OSBPL9: variants seen among roughly 807,000 people sequenced by gnomAD.
OSBPL9 encodes the protein oxysterol-binding protein-related protein 9.
In OSBPL9, 40 loss-of-function variants were observed where a neutral mutation model predicts 106.6. The ratio of observed to expected loss-of-function variants is 0.38; its 90% CI spans 0.29 to 0.49. OSBPL9 has a LOEUF of 0.49. Among genes scored for constraint, OSBPL9 ranks in the 20% least tolerant of loss-of-function variants. The pLI is 0.97. For missense variants in OSBPL9, 609 were observed against 887.2 expected, an observed-to-expected ratio of 0.69 and a Z score of 3.98; for synonymous variants, 269 against 295.4, an observed-to-expected ratio of 0.91 and a Z score of 0.92.
intron 3 of OSBPL9, among the ~76,000 whole-genome samples, chr1:51,697,666 G>A (rs184301137): frequency 5.4e-4 from 82 of 151,566 alleles, no homozygotes; most frequent in African/African-American, 1.7e-3. Flanking sequence ...AGTTTAGGTT[G>A]TGTGAGTTAC....
At chr1:51,621,225 G>A (rs1047483236) in intron 1 of OSBPL9, among the ~76,000 whole-genome samples, 3 of 152,190 alleles carry the variant, frequency 2.0e-5, no homozygotes, top group Non-Finnish European at 4.4e-5. Flanking sequence ...TATGTGGCCA[G>A]GCATGGTGGC....
chr1:51,697,476 T>A (rs894214228), intron 3 of OSBPL9, among the ~76,000 whole-genome samples: 3 of 147,410 alleles, frequency 2.0e-5, no homozygotes, highest in South Asian at 4.3e-4. Context: ...TTTTTTTTTT[T>A]ACTTAAATTG....
chr1:51,761,836 G>T, intron 10 of OSBPL9, 31 bp from the exon 11 acceptor site: 1 of 1,510,590 alleles, frequency 6.6e-7, no homozygotes, highest in East Asian at 2.3e-5. Context: ...GGCTGTTTCT[G>T]TACCTTATTT....
At chr1:51,588,065 G>A (rs556726226) in intron 1 of OSBPL9, among the ~76,000 whole-genome samples, 1 of 152,310 alleles carries the variant, frequency 6.6e-6, no homozygotes, top group African/African-American at 2.4e-5. Flanking sequence ...GAACTGGTGA[G>A]AAATTCAGTA....
chr1:51,742,441 C>CA (rs2148989056), intron 4 of OSBPL9, among the ~76,000 whole-genome samples: 1 of 152,210 alleles, frequency 6.6e-6, no homozygotes, highest in East Asian at 1.9e-4. Flanking sequence ...CGGCCGGGCG[C>CA]ATTGGCCCAC....
chr1:51,662,766 A>G (rs1647343317), intron 2 of OSBPL9, among the ~76,000 whole-genome samples: 2 of 137,978 alleles, frequency 1.4e-5, no homozygotes, highest in South Asian at 2.3e-4. Flanking sequence ...TTTTTTTGAG[A>G]CAGAGTCTCG....
chr1:51,521,861 G>A, the OSBPL9 span, among the ~76,000 whole-genome samples: 13,425 of 152,122 alleles, frequency 0.088, 837 homozygotes, highest in Middle Eastern at 0.19. Flanking sequence ...GGGTTCAAGC[G>A]ATTCTTGTGC....
the OSBPL9 span, among the ~76,000 whole-genome samples, chr1:51,539,425 A>G: frequency 6.6e-6 from 1 of 152,016 alleles, no homozygotes; most frequent in African/African-American, 2.4e-5. Flanking sequence ...TTCACTCGTC[A>G]TCTCTTACCC....
At chr1:51,520,721 C>G in the OSBPL9 span, among the ~76,000 whole-genome samples, 3 of 152,196 alleles carry the variant, frequency 2.0e-5, no homozygotes, top group African/African-American at 7.2e-5. Flanking sequence ...ATGGAGTTAG[C>G]CCCACCTAAG....
At chr1:51,759,629 A>T (rs1466192565) in intron 9 of OSBPL9, 1 of 152,214 alleles carries the variant, frequency 6.6e-6, no homozygotes, top group East Asian at 1.9e-4. Context: ...TTAGTCTTCT[A>T]AATGGTAAAT....
intron 8 of OSBPL9, among the ~76,000 whole-genome samples, chr1:51,754,916 C>T (rs1478612111): frequency 6.6e-6 from 1 of 152,276 alleles, no homozygotes; most frequent in South Asian, 2.1e-4. Context: ...AAGCAATCCT[C>T]CTGCCTCAGC....
chr1:51,744,915 C>G (rs1200041700), intron 4 of OSBPL9, among the ~76,000 whole-genome samples: 9 of 152,052 alleles, frequency 5.9e-5, no homozygotes, highest in Admixed American at 4.6e-4. Context: ...ACATCTATAC[C>G]ACGTCTAAGT....
At chr1:51,573,585 G>T (rs985593169), upstream of OSBPL9, among the ~76,000 whole-genome samples, 2 of 150,532 alleles carry the variant, frequency 1.3e-5, no homozygotes, top group African/African-American at 4.9e-5. Context: ...GGAGGCTAAG[G>T]CGGGCAGATC....
intron 2 of OSBPL9, among the ~76,000 whole-genome samples, chr1:51,656,668 C>T (rs1646836687): frequency 6.9e-6 from 1 of 145,154 alleles, no homozygotes; most frequent in Non-Finnish European, 1.5e-5. Flanking sequence ...TCCTCGCTCT[C>T]CCCCCAACTT....
chr1:51,653,690 C>T (rs1646655517), intron 2 of OSBPL9, among the ~76,000 whole-genome samples: 1 of 152,154 alleles, frequency 6.6e-6, no homozygotes, highest in Non-Finnish European at 1.5e-5. Flanking sequence ...CTTTTGTTTA[C>T]AATTTGTCTG....
chr1:51,580,178 A>G (rs1480720027), intron 1 of OSBPL9, among the ~76,000 whole-genome samples: 2 of 152,224 alleles, frequency 1.3e-5, no homozygotes, highest in East Asian at 3.8e-4. Context: ...TCAAATATTT[A>G]TCAACTGTTA....
intron 1 of OSBPL9, among the ~76,000 whole-genome samples, chr1:51,633,721 A>G (rs1645252573): frequency 6.6e-6 from 1 of 152,178 alleles, no homozygotes; most frequent in African/African-American, 2.4e-5. Context: ...TCCTGGGCTC[A>G]AGCAGTCTTC....
Position 51,742,435 on chromosome 1 carries a change from C to T in OSBPL9, c.319-3101C>T, listed in dbSNP as rs543046965. ...TTCTTAGTCCTGTTTAAAACTCGGC[C>T]GGGCGCATTGGCCCACACCTTGTAA... On this transcript the variant is annotated intron_variant, in intron 4 of 23. Coordinates refer to ENST00000428468, the MANE Select transcript of OSBPL9 (RefSeq NM_024586.6). Among the ~76,000 whole-genome samples the T allele has an allele frequency of 7.8e-4, 119 of 152,160 alleles. 1 individual carries two copies. Among genetic ancestry groups the T allele is most frequent in the African/African-American group, 2.6e-3 (109 of 41,500 alleles).
intron 2 of OSBPL9, among the ~76,000 whole-genome samples, chr1:51,668,285 A>T (rs1186958441): frequency 1.3e-5 from 2 of 152,100 alleles, no homozygotes; most frequent in African/African-American, 4.8e-5. Context: ...CCTGTCTCTT[A>T]TCTTAATTCC....
Sources: allele counts gnomAD v4.1 joint callset (sites outside exome capture counted in the v4.1 genomes callset), GRCh38; gene constraint gnomAD v4.1.1; transcripts MANE v1.5; gene names NCBI Gene and HGNC (gene_info 2026-07-23, HGNC 2026-07-21).